BRINP3: variants seen among roughly 807,000 people sequenced by gnomAD.
BRINP3 encodes BMP/retinoic acid-inducible neural-specific protein 3.
In BRINP3, 19 loss-of-function variants were observed where a neutral mutation model predicts 71.0. That is an observed-to-expected ratio of 0.27 (90% CI 0.19 to 0.39). BRINP3 has a LOEUF of 0.39. BRINP3 is among the 10% of genes least tolerant of loss of function. The pLI, the probability that BRINP3 is intolerant of heterozygous loss-of-function variation, is 1.00. For synonymous variants in BRINP3, 380 were observed against 337.7 expected, an observed-to-expected ratio of 1.13 and a Z score of -1.37; for missense variants, 959 against 940.8, an observed-to-expected ratio of 1.02 and a Z score of -0.25.
At chr1:190,209,948 C>T (rs1339393417) in intron 6 of BRINP3, among the ~76,000 whole-genome samples, 1 of 152,046 alleles carries the variant, frequency 6.6e-6, no homozygotes, top group Non-Finnish European at 1.5e-5. Context: ...TGAATGTGTA[C>T]TTGGTACTTT....
chr1:190,290,124 T>A (rs2102963994), intron 2 of BRINP3, among the ~76,000 whole-genome samples: 1 of 152,170 alleles, frequency 6.6e-6, no homozygotes, highest in Admixed American at 6.6e-5. Context: ...TCAAACTCAG[T>A]AGAGGAATAT....
chr1:190,228,141 C>T (rs982291780), intron 5 of BRINP3, among the ~76,000 whole-genome samples: 3 of 151,750 alleles, frequency 2.0e-5, no homozygotes, highest in African/African-American at 7.2e-5. Context: ...TAAAATGATA[C>T]ATTCAGAAAT....
chr1:190,283,197 C>T (rs965079943), intron 2 of BRINP3, among the ~76,000 whole-genome samples: 1 of 151,958 alleles, frequency 6.6e-6, no homozygotes, highest in African/African-American at 2.4e-5. Flanking sequence ...GAAATTCTTG[C>T]TATCTCCTGT....
At chr1:190,419,624 C>A (rs1040106117) in intron 2 of BRINP3, among the ~76,000 whole-genome samples, 8 of 151,642 alleles carry the variant, frequency 5.3e-5, no homozygotes, top group African/African-American at 1.5e-4. Context: ...CTCCTTCATC[C>A]AGTTTCTCAT....
chr1:190,355,642 C>T (rs1442571), intron 2 of BRINP3, among the ~76,000 whole-genome samples: 27,174 of 151,608 alleles, frequency 0.18, 2,578 homozygotes, highest in African/African-American at 0.23. Flanking sequence ...GTTCCTAGAA[C>T]TAAAATTAAG....
At chr1:190,452,929 A>C (rs1253331501) in intron 2 of BRINP3, among the ~76,000 whole-genome samples, 2 of 152,128 alleles carry the variant, frequency 1.3e-5, no homozygotes, top group African/African-American at 2.4e-5. Context: ...GCTAAACCAC[A>C]ACAATCACAC....
At chr1:190,418,004 C>T (rs1189558321) in intron 2 of BRINP3, among the ~76,000 whole-genome samples, 1 of 152,132 alleles carries the variant, frequency 6.6e-6, no homozygotes, top group Non-Finnish European at 1.5e-5. Flanking sequence ...TTATTAAGTG[C>T]AGATTTGGAA....
At chr1:190,245,480 A>G (rs192306482) in intron 4 of BRINP3, among the ~76,000 whole-genome samples, 6 of 152,182 alleles carry the variant, frequency 3.9e-5, no homozygotes, top group East Asian at 3.9e-4. Context: ...CTGCAATATT[A>G]TAATCATATT....
chr1:190,225,795 G>A (rs147242690), intron 6 of BRINP3, among the ~76,000 whole-genome samples: 1 of 151,890 alleles, frequency 6.6e-6, no homozygotes, highest in African/African-American at 2.4e-5. Context: ...AGAGGTATCA[G>A]ATGATAACTT....
At chr1:190,473,540 C>CTT (rs201424484) in intron 1 of BRINP3, among the ~76,000 whole-genome samples, 44,528 of 132,750 alleles carry the variant, frequency 0.34, 7,784 homozygotes, top group Non-Finnish European at 0.42. Flanking sequence ...TAATTTTTCT[C>CTT]TTTTTTTTTT....
intron 3 of BRINP3, among the ~76,000 whole-genome samples, chr1:190,266,014 T>G (rs912827820): frequency 1.1e-4 from 16 of 152,180 alleles, no homozygotes; most frequent in African/African-American, 3.9e-4. Context: ...GTAAAGTGTA[T>G]TACAATTAAG....
chr1:190,326,397 G>A (rs964642571), intron 2 of BRINP3, among the ~76,000 whole-genome samples: 9 of 152,054 alleles, frequency 5.9e-5, no homozygotes, highest in African/African-American at 2.2e-4. Flanking sequence ...AATAACACAG[G>A]AAAACTTCCC....
chr1:190,348,950 T>G (rs72731104), intron 2 of BRINP3, among the ~76,000 whole-genome samples: 31,244 of 152,084 alleles, frequency 0.21, 3,247 homozygotes, highest in South Asian at 0.28. Context: ...TATCTTTATT[T>G]TTGTTTACTC....
chr1:190,188,075 C>G (rs948413419), intron 6 of BRINP3, among the ~76,000 whole-genome samples: 1 of 151,788 alleles, frequency 6.6e-6, no homozygotes, highest in Admixed American at 6.6e-5. Context: ...TTTATAGTTT[C>G]ATTGTAGAGA....
intron 2 of BRINP3, among the ~76,000 whole-genome samples, chr1:190,336,426 G>C (rs1255327576): frequency 1.3e-5 from 2 of 151,876 alleles, no homozygotes; most frequent in African/African-American, 4.8e-5. Flanking sequence ...AAGCCATATA[G>C]ATCTATGTTA....
At chr1:190,454,570 G>C in intron 2 of BRINP3, 85 bp downstream of exon 2, 1 of 1,069,760 alleles carries the variant, frequency 9.3e-7, no homozygotes, top group South Asian at 1.6e-5. Context: ...CCTTTTTCCC[G>C]TCTGAAACTT....
intron 7 of BRINP3, among the ~76,000 whole-genome samples, chr1:190,153,691 A>C (rs1447346225): frequency 6.6e-6 from 1 of 152,130 alleles, no homozygotes; most frequent in Non-Finnish European, 1.5e-5. Flanking sequence ...TAAATCATAG[A>C]TTCTATAATA....
chr1:190,370,486 A>G (rs926487724), intron 2 of BRINP3, among the ~76,000 whole-genome samples: 18 of 152,210 alleles, frequency 1.2e-4, no homozygotes, highest in African/African-American at 4.3e-4. Context: ...GGAGGAATCT[A>G]TCATCAAAAA....
chr1:190,312,034 CAAAT>C (rs1273958394), intron 2 of BRINP3, among the ~76,000 whole-genome samples: 1 of 41,090 alleles, frequency 2.4e-5, no homozygotes, highest in Non-Finnish European at 5.2e-5. Flanking sequence ...TTTGAAAAGT[CAAAT>C]ATATATATAT....
Sources: allele counts gnomAD v4.1 joint callset (sites outside exome capture counted in the v4.1 genomes callset), GRCh38; gene constraint gnomAD v4.1.1; transcripts MANE v1.5; gene names NCBI Gene and HGNC (gene_info 2026-07-23, HGNC 2026-07-21).